The following RAB7B variants were observed in gnomAD, a reference collection of about 807,000 sequenced individuals.
RAB7B encodes ras-related protein Rab-7b.
chr1:205,991,004 C>T (rs1314071792), intron 4 of RAB7B, among the ~76,000 whole-genome samples: 3 of 152,014 alleles, frequency 2.0e-5, no homozygotes, highest in Non-Finnish European at 4.4e-5. Context: ...AACTCCAGAC[C>T]TCATGATTCG....
chr1:205,993,363 G>A, intron 3 of RAB7B, 57 bp downstream of exon 3: 1 of 397,858 alleles, frequency 2.5e-6, no homozygotes, highest in East Asian at 3.6e-5. Context: ...GGCTGTCCGG[G>A]CTTGGGGGGG....
chr1:206,000,702 T>C (rs1558146599), intron 1 of RAB7B, among the ~76,000 whole-genome samples: 1 of 152,220 alleles, frequency 6.6e-6, no homozygotes, highest in African/African-American at 2.4e-5. Flanking sequence ...TGGTTGGTCA[T>C]GCTTGCCACT....
chr1:205,994,269 T>G (rs1660773496), intron 1 of RAB7B, 118 bp from the exon 2 acceptor site: 1 of 394,732 alleles, frequency 2.5e-6, no homozygotes, highest in African/African-American at 2.1e-5. Flanking sequence ...GGCCCGGGAC[T>G]GGGTGGGGTT....
At chr1:205,995,062 G>A (rs1660788033) in intron 1 of RAB7B, among the ~76,000 whole-genome samples, 3 of 152,042 alleles carry the variant, frequency 2.0e-5, no homozygotes, top group Admixed American at 2.0e-4. Context: ...TGAACAGTGA[G>A]AACACTTGGA....
chr1:205,981,979 C>T (rs1262619312), intron 5 of RAB7B, among the ~76,000 whole-genome samples: 2 of 152,196 alleles, frequency 1.3e-5, no homozygotes, highest in African/African-American at 4.8e-5. Flanking sequence ...GTTAGCTGAA[C>T]ACCTACTCTG....
At chr1:205,980,074 C>A (rs1323074689) in intron 5 of RAB7B, among the ~76,000 whole-genome samples, 2 of 152,226 alleles carry the variant, frequency 1.3e-5, no homozygotes, top group Non-Finnish European at 2.9e-5. Context: ...TCTGACACCC[C>A]ATCACTCACT....
chr1:205,990,585 A>T (rs923884263), intron 4 of RAB7B, among the ~76,000 whole-genome samples: 24 of 152,218 alleles, frequency 1.6e-4, no homozygotes, highest in African/African-American at 5.5e-4. Context: ...CCACTTAAAG[A>T]CTGCTTGGAG....
At chr1:205,991,093 A>G (rs978610311) in intron 4 of RAB7B, among the ~76,000 whole-genome samples, 117 of 152,264 alleles carry the variant, frequency 7.7e-4, no homozygotes, top group African/African-American at 2.7e-3. Flanking sequence ...TGATAGTACA[A>G]GCCAAATTAG....
intron 4 of RAB7B, among the ~76,000 whole-genome samples, chr1:205,988,598 G>C (rs1443367286): frequency 6.6e-6 from 1 of 152,150 alleles, no homozygotes; most frequent in Non-Finnish European, 1.5e-5. Context: ...TATTTTCCCA[G>C]CTGTCCCTTG....
At chr1:205,981,984 A>G (rs1221691981) in intron 5 of RAB7B, among the ~76,000 whole-genome samples, 1 of 151,916 alleles carries the variant, frequency 6.6e-6, no homozygotes, top group African/African-American at 2.4e-5. Context: ...CTGAACACCT[A>G]CTCTGGTTTC....
intron 5 of RAB7B, among the ~76,000 whole-genome samples, chr1:205,984,742 A>G (rs1203647026): frequency 6.6e-6 from 1 of 152,172 alleles, no homozygotes; most frequent in Non-Finnish European, 1.5e-5. Flanking sequence ...CCTTTCTGTC[A>G]TGAAGCCCCT....
chr1:206,000,315 A>C (rs1361970114), intron 1 of RAB7B, among the ~76,000 whole-genome samples: 4 of 152,374 alleles, frequency 2.6e-5, no homozygotes, highest in Non-Finnish European at 5.9e-5. Flanking sequence ...TTGTAATTTA[A>C]GAATATCAAA....
At chr1:205,991,367 T>C (rs1660719722) in intron 4 of RAB7B, among the ~76,000 whole-genome samples, 3 of 152,228 alleles carry the variant, frequency 2.0e-5, no homozygotes, top group African/African-American at 7.2e-5. Flanking sequence ...AATTAGAGAA[T>C]TGACATGGAG....
At chr1:205,985,773 C>CCCACCAGG (rs1660587352) in intron 4 of RAB7B, 108 bp from the exon 5 acceptor site, 3 of 208,324 alleles carry the variant, frequency 1.4e-5, no homozygotes, top group African/African-American at 9.0e-5. Flanking sequence ...TCCCCACCAT[C>CCCACCAGG]CCCATCATCC....
At position 206,001,717 on chromosome 1, in the gene RAB7B, G is replaced by A. The variant is rs984043806; in HGVS notation, c.-17+1536C>T. ...AGGTCCCCAGCTCTTTCCCCTTCTT[G>A]TCTGGCAGCACTTCTAAGCCTGGAG... On this transcript the variant is annotated intron_variant, in intron 1 of 5. Coordinates refer to ENST00000617070, the MANE Select transcript of RAB7B (RefSeq NM_001164522.3). 6.8e-4 allele frequency among the ~76,000 whole-genome samples: 104 copies of A among 152,292 alleles called. 1 individual carries two copies. The highest frequency in any genetic ancestry group is 2.1e-3 in the African/African-American group (89 of 41,566).
At chr1:205,998,354 T>G (rs1660840494) in intron 1 of RAB7B, among the ~76,000 whole-genome samples, 1 of 152,106 alleles carries the variant, frequency 6.6e-6, no homozygotes, top group Admixed American at 6.5e-5. Flanking sequence ...AGACTCGGTC[T>G]CAAACAAACA....
intron 1 of RAB7B, among the ~76,000 whole-genome samples, chr1:206,000,528 C>T (rs1660875587): frequency 1.3e-5 from 2 of 152,170 alleles, no homozygotes; most frequent in East Asian, 1.9e-4. Context: ...AACCTTGGGG[C>T]GTCTGTTCCC....
chr1:205,999,325 GA>G (rs1660855380), intron 1 of RAB7B, among the ~76,000 whole-genome samples: 3 of 152,176 alleles, frequency 2.0e-5, no homozygotes, highest in Non-Finnish European at 4.4e-5. Context: ...CAAAGAACGT[GA>G]ACAAGTTACC....
chr1:206,002,133 C>T (rs1443052637), intron 1 of RAB7B, among the ~76,000 whole-genome samples: 1 of 152,134 alleles, frequency 6.6e-6, no homozygotes, highest in Non-Finnish European at 1.5e-5. Context: ...AATAATGGGA[C>T]CTACAATCTT....
Sources: allele counts gnomAD v4.1 joint callset (sites outside exome capture counted in the v4.1 genomes callset), GRCh38; gene constraint gnomAD v4.1.1; transcripts MANE v1.5; gene names NCBI Gene and HGNC (gene_info 2026-07-23, HGNC 2026-07-21).